SFXN5: variants seen among roughly 807,000 people sequenced by gnomAD.
SFXN5 encodes the protein sideroflexin-5.
In SFXN5, 43 loss-of-function variants were observed where a neutral mutation model predicts 50.2. The observed-to-expected ratio is 0.86, with a 90% CI of 0.67 to 1.11. SFXN5 has a LOEUF of 1.11. Among genes scored for constraint, SFXN5 ranks in the 50% least tolerant of loss-of-function variants. The pLI, the probability that SFXN5 is intolerant of heterozygous loss-of-function variation, is 0.00. For missense variants in SFXN5, 463 were observed against 454.1 expected, an observed-to-expected ratio of 1.02 and a Z score of -0.18; for synonymous variants, 203 against 185.8, an observed-to-expected ratio of 1.09 and a Z score of -0.75.
chr2:73,031,970 C>T (rs1254908086), intron 3 of SFXN5, among the ~76,000 whole-genome samples: 1 of 152,206 alleles, frequency 6.6e-6, no homozygotes, highest in Non-Finnish European at 1.5e-5. Context: ...AGAGGGAGAA[C>T]AGGACAAGGA....
chr2:73,067,644 G>A (rs1452728620), intron 1 of SFXN5, among the ~76,000 whole-genome samples: 1 of 152,146 alleles, frequency 6.6e-6, no homozygotes, highest in African/African-American at 2.4e-5. Context: ...GAAATGATGG[G>A]ATGTTTGGCC....
intron 1 of SFXN5, chr2:73,059,234 A>T: frequency 1.0e-6 from 1 of 985,730 alleles, no homozygotes; most frequent in Non-Finnish European, 1.2e-6. Context: ...ATTGGAGCAC[A>T]ATGAAAGGAA....
At chr2:73,009,658 T>C (rs759915926) in intron 6 of SFXN5, among the ~76,000 whole-genome samples, 1 of 152,216 alleles carries the variant, frequency 6.6e-6, no homozygotes, top group Non-Finnish European at 1.5e-5. Flanking sequence ...CATCCTCTTC[T>C]TACACCACAT....
At chr2:73,039,776 CTATTT>C (rs56382816) in intron 3 of SFXN5, among the ~76,000 whole-genome samples, 13,600 of 145,578 alleles carry the variant, frequency 0.093, 1,805 homozygotes, top group African/African-American at 0.3. Context: ...CTTACAAGCA[CTATTT>C]TATTTTATTT....
At chr2:73,000,358 T>G (rs1673746042) in intron 8 of SFXN5, 73 bp downstream of exon 8, 3 of 1,419,430 alleles carry the variant, frequency 2.1e-6, no homozygotes, top group Non-Finnish European at 1.9e-6. Flanking sequence ...TGGTGGCATG[T>G]CACGCTGTAG....
chr2:73,041,495 G>A (rs895332069), intron 2 of SFXN5: 1 of 221,632 alleles, frequency 4.5e-6, no homozygotes, highest in Non-Finnish European at 9.6e-6. Context: ...TTCGAGACCA[G>A]CCTGACCAAC....
At chr2:72,964,183 G>A (rs1674100623) in intron 12 of SFXN5, among the ~76,000 whole-genome samples, 1 of 152,226 alleles carries the variant, frequency 6.6e-6, no homozygotes, top group Admixed American at 6.5e-5. Context: ...CCTCATTGCT[G>A]TGCATTCCTT....
intron 3 of SFXN5, among the ~76,000 whole-genome samples, chr2:73,033,974 A>C (rs1302496013): frequency 6.6e-6 from 1 of 152,246 alleles, no homozygotes; most frequent in Non-Finnish European, 1.5e-5. Context: ...ATCTGGCTCC[A>C]AATGCCAATC....
chr2:72,958,661 G>A (rs1673365838), intron 13 of SFXN5, among the ~76,000 whole-genome samples: 2 of 151,884 alleles, frequency 1.3e-5, no homozygotes, highest in African/African-American at 4.8e-5. Context: ...TTCAGGGAGT[G>A]CTGGGCTGGG....
rs756040675 is a variant in SFXN5 at position 72,968,579 on chromosome 2, G to A, written c.742-46C>T. On this transcript the variant is annotated intron_variant, in intron 11 of 13. Coordinates refer to ENST00000272433, the MANE Select transcript of SFXN5 (RefSeq NM_144579.3). ...GTGTGAGAGGGGCCTGACAGCTGGT[G>A]ACAGGACAGCACACCACCCAGAGCC... is the stretch of plus-strand genomic sequence containing the variant. The A allele has an allele frequency of 8.2e-6, 13 of 1,586,430 alleles. No homozygotes were observed. In the South Asian group the frequency reaches 1.2e-4, roughly 15 times the overall value.
At chr2:73,041,054 C>G in intron 2 of SFXN5, 123 bp from the exon 3 acceptor site, 1 of 624,330 alleles carries the variant, frequency 1.6e-6, no homozygotes, top group Non-Finnish European at 2.7e-6. Flanking sequence ...GCCCTCAGTT[C>G]ATGGGACACA....
At chr2:72,985,423 C>T (rs1671792517) in intron 10 of SFXN5, among the ~76,000 whole-genome samples, 1 of 152,018 alleles carries the variant, frequency 6.6e-6, no homozygotes, top group Non-Finnish European at 1.5e-5. Context: ...CCTGAGAGGA[C>T]CAGGGGGCTT....
intron 11 of SFXN5, among the ~76,000 whole-genome samples, chr2:72,970,938 T>G (rs1675094182): frequency 6.6e-6 from 1 of 152,152 alleles, no homozygotes; most frequent in Non-Finnish European, 1.5e-5. Context: ...TCCACCCACT[T>G]TGGCCTCCCA....
chr2:73,002,071 T>C (rs1673989016), intron 6 of SFXN5, among the ~76,000 whole-genome samples: 1 of 152,234 alleles, frequency 6.6e-6, no homozygotes, highest in Admixed American at 6.5e-5. Flanking sequence ...TTTGCGAGGA[T>C]TAAACAAAAA....
intron 11 of SFXN5, among the ~76,000 whole-genome samples, chr2:72,971,105 C>T (rs566787976): frequency 3.3e-5 from 5 of 152,198 alleles, no homozygotes; most frequent in Non-Finnish European, 7.3e-5. Context: ...AATCCCTTGA[C>T]CTCACGGCAC....
intron 2 of SFXN5, chr2:73,044,469 C>T (rs556521403): frequency 6.6e-6 from 1 of 152,628 alleles, no homozygotes; most frequent in Admixed American, 6.5e-5. Context: ...TGGCTGGTGT[C>T]CCCACTTCAG....
intron 9 of SFXN5, chr2:72,997,961 A>C: frequency 6.6e-6 from 1 of 151,872 alleles, no homozygotes. Context: ...CACAGCTGCA[A>C]TCATAGCACA....
intron 12 of SFXN5, among the ~76,000 whole-genome samples, chr2:72,963,385 T>C (rs1673982952): frequency 6.6e-6 from 1 of 151,968 alleles, no homozygotes; most frequent in African/African-American, 2.4e-5. Flanking sequence ...TCTCTCAGGG[T>C]GGCTGGCTGA....
chr2:73,007,723 T>C (rs1222863630), intron 6 of SFXN5, among the ~76,000 whole-genome samples: 3 of 152,132 alleles, frequency 2.0e-5, no homozygotes, highest in Admixed American at 2.0e-4. Context: ...ATGTTCCTCT[T>C]TGTCATCCAC....
Sources: allele counts gnomAD v4.1 joint callset (sites outside exome capture counted in the v4.1 genomes callset), GRCh38; gene constraint gnomAD v4.1.1; transcripts MANE v1.5; gene names NCBI Gene and HGNC (gene_info 2026-07-23, HGNC 2026-07-21).